The following SACM1L variants were observed in gnomAD, a reference collection of about 807,000 sequenced individuals.
SACM1L encodes SAC1 like phosphatidylinositide phosphatase, also known as phosphatidylinositol-3-phosphatase SAC1.
SACM1L carries 32 observed loss-of-function variants against 89.5 expected under a neutral mutation model. The ratio of observed to expected loss-of-function variants is 0.36; its 90% CI spans 0.27 to 0.48. SACM1L has a LOEUF of 0.48. Ranked by LOEUF, SACM1L falls within the 20% of genes least tolerant of loss-of-function variation. SACM1L has a pLI of 0.99. For synonymous variants in SACM1L, 213 were observed against 232.8 expected, an observed-to-expected ratio of 0.92 and a Z score of 0.77; for missense variants, 543 against 708.5, an observed-to-expected ratio of 0.77 and a Z score of 2.65.
intron 19 of SACM1L, 38 bp from the exon 20 acceptor site, chr3:45,743,495 A>AACG: frequency 6.3e-7 from 1 of 1,582,850 alleles, no homozygotes; most frequent in Non-Finnish European, 8.6e-7. Context: ...GATATCAACA[A>AACG]ACGACTTATT....
Position 45,745,215 on chromosome 3 carries a change from C to T in SACM1L, c.*1546C>T, listed in dbSNP as rs1274706030. On this transcript the variant is annotated 3_prime_UTR_variant, in exon 20 of 20. Transcript: ENST00000389061. The stretch of plus-strand genomic sequence containing the variant: ...TATTTAAATGCTGCTGGGCATTTCA[C>T]TTAAAGAACTTAATGTCAACAGCTA... 1 of 152,620 alleles carries T rather than the reference C, an allele frequency of 6.6e-6. No homozygotes were observed. The highest frequency in any genetic ancestry group is 1.5e-5 in the Non-Finnish European group (1 of 68,034). The allele number at this position is 152,620 out of a possible 1,614,324, so 9.5% of individuals were successfully genotyped here. A position where few individuals can be genotyped will look rare whatever the true frequency, so the allele number is the denominator to read the frequency against.
chr3:45,694,136 G>A (rs1271579813), intron 1 of SACM1L, among the ~76,000 whole-genome samples: 3 of 152,048 alleles, frequency 2.0e-5, no homozygotes, highest in Admixed American at 1.3e-4. Context: ...AAAGTTAGAG[G>A]TGCAAAATTA....
chr3:45,714,108 TTC>T, intron 7 of SACM1L, 29 bp downstream of exon 7: 1 of 1,440,728 alleles, frequency 6.9e-7, no homozygotes, highest in Non-Finnish European at 9.4e-7. Context: ...ACTCTTTAGT[TTC>T]TAGATGCCTT....
At chr3:45,693,853 C>G (rs944332233) in intron 1 of SACM1L, among the ~76,000 whole-genome samples, 1 of 152,158 alleles carries the variant, frequency 6.6e-6, no homozygotes, top group Admixed American at 6.5e-5. Flanking sequence ...CCAGGCAGTT[C>G]TAAATATCCT....
intron 16 of SACM1L, 66 bp downstream of exon 16, chr3:45,737,910 A>C (rs1575412593): frequency 1.5e-6 from 2 of 1,327,868 alleles, no homozygotes; most frequent in Non-Finnish European, 2.2e-6. Context: ...TTTAAAAATC[A>C]CCTGGGCAGC....
chr3:45,692,232 T>C (rs1210320878), intron 1 of SACM1L, among the ~76,000 whole-genome samples: 1 of 152,348 alleles, frequency 6.6e-6, no homozygotes, highest in South Asian at 2.1e-4. Context: ...CTGGGCATAG[T>C]ACTTAATCCT....
At chr3:45,716,291 T>C (rs1198359649) in intron 7 of SACM1L, among the ~76,000 whole-genome samples, 6 of 152,070 alleles carry the variant, frequency 3.9e-5, no homozygotes, top group Non-Finnish European at 7.4e-5. Context: ...CTGGAGAACA[T>C]AGTGAGACCC....
At chr3:45,689,649 T>TAGGAG in intron 1 of SACM1L, 152 bp downstream of exon 1, 4 of 913,424 alleles carry the variant, frequency 4.4e-6, no homozygotes, top group Non-Finnish European at 6.8e-6. Flanking sequence ...CGGCCTCTCC[T>TAGGAG]AGGCCTCGCC....
intron 5 of SACM1L, among the ~76,000 whole-genome samples, chr3:45,710,500 C>CT (rs11413682): frequency 0.26 from 35,193 of 133,922 alleles, 5,200 homozygotes; most frequent in East Asian, 0.52. Context: ...CCCAGTCTGC[C>CT]TTTTTTTTTT....
At chr3:45,730,098 G>A (rs1699010834) in intron 11 of SACM1L, among the ~76,000 whole-genome samples, 1 of 151,934 alleles carries the variant, frequency 6.6e-6, no homozygotes. Flanking sequence ...TAAAGTCTTT[G>A]TCTAATAAGT....
intron 3 of SACM1L, among the ~76,000 whole-genome samples, chr3:45,705,496 A>ATTTTTTTTT (rs36040487): frequency 3.9e-5 from 4 of 103,226 alleles, no homozygotes; most frequent in Admixed American, 1.9e-4. Flanking sequence ...TGTAAATAAA[A>ATTTTTTTTT]TTTTTTTTTT....
chr3:45,708,043 TTAATATCTATAAC>T, intron 4 of SACM1L, among the ~76,000 whole-genome samples: 1 of 149,888 alleles, frequency 6.7e-6, no homozygotes, highest in Admixed American at 6.6e-5. Context: ...ACTATATAAG[TTAATATCTATAAC>T]TAATATCTAT....
chr3:45,689,581 C>T (rs1697917127), intron 1 of SACM1L, 84 bp downstream of exon 1: 1 of 1,460,130 alleles, frequency 6.8e-7, no homozygotes, highest in Non-Finnish European at 9.3e-7. Context: ...CTTCTGAGTC[C>T]CGGATTGCAG....
intron 11 of SACM1L, 70 bp downstream of exon 11, chr3:45,723,613 T>A (rs1344843508): frequency 5.1e-6 from 4 of 779,916 alleles, no homozygotes; most frequent in Non-Finnish European, 5.7e-6. Context: ...TTTACTATTT[T>A]AACCATTTTT....
intron 1 of SACM1L, among the ~76,000 whole-genome samples, chr3:45,699,350 C>G (rs989429975): frequency 6.6e-6 from 1 of 150,912 alleles, no homozygotes; most frequent in African/African-American, 2.4e-5. Context: ...TAAAAAAATG[C>G]TCATATTAGG....
At chr3:45,691,243 GA>G (rs1464320636) in intron 1 of SACM1L, among the ~76,000 whole-genome samples, 1 of 151,712 alleles carries the variant, frequency 6.6e-6, no homozygotes, top group Non-Finnish European at 1.5e-5. Context: ...TTTTCCCCCT[GA>G]AAAAAAAGTT....
In SACM1L at chr3:45,744,519, G is replaced by C. The variant is rs1699383282; in HGVS notation, c.*850G>C. ...GAGGGTCACTCATTGAGACACGCAG[G>C]CCTCTGAGAGGGTCTTGTTCTAGAT... is the stretch of plus-strand genomic sequence containing the variant. On this transcript the variant is annotated 3_prime_UTR_variant, in exon 20 of 20. Transcript: ENST00000389061. 6.6e-6 allele frequency: 1 copy of C among 152,590 alleles called. No homozygotes were observed. The highest frequency in any genetic ancestry group is 6.5e-5 in the Admixed American group (1 of 15,276). The allele number at this position is 152,590 out of a possible 1,614,324, so 9.5% of individuals were successfully genotyped here. A position where few individuals can be genotyped will look rare whatever the true frequency, so the allele number is the denominator to read the frequency against.
intron 19 of SACM1L, 156 bp downstream of exon 19, chr3:45,739,800 AG>A: frequency 1.4e-6 from 1 of 710,720 alleles, no homozygotes; most frequent in Admixed American, 2.5e-5. Flanking sequence ...TGTGACAGGA[AG>A]AAAAATAACA....
At position 45,725,216 on chromosome 3, in the gene SACM1L, T is replaced by G. The variant is rs1698890028; in HGVS notation, c.921+1673T>G. On this transcript the variant is annotated intron_variant, in intron 11 of 19. Transcript: ENST00000389061. The stretch of plus-strand genomic sequence containing the variant: ...ATTTTAGGCTTGGTTTTTCTATTTC[T>G]GCAAACAATGTCATTGGGATTTTAG... 4.6e-5 allele frequency among the ~76,000 whole-genome samples: 7 copies of G among 152,192 alleles called. No homozygotes were observed. The South Asian group carries it at 1.4e-3, about 31-fold the overall frequency.
Sources: allele counts gnomAD v4.1 joint callset (sites outside exome capture counted in the v4.1 genomes callset), GRCh38; gene constraint gnomAD v4.1.1; transcripts MANE v1.5; gene names NCBI Gene and HGNC (gene_info 2026-07-23, HGNC 2026-07-21).